The following KDM5B variants were observed in gnomAD, a reference collection of about 807,000 sequenced individuals.
KDM5B encodes the protein lysine-specific demethylase 5B.
KDM5B carries 144 observed loss-of-function variants against 193.4 expected under a neutral mutation model. That is an observed-to-expected ratio of 0.74 (90% CI 0.65 to 0.86). KDM5B has a LOEUF of 0.86. KDM5B is among the 40% of genes least tolerant of loss of function. The probability of loss-of-function intolerance (pLI) is 0.00; values close to 1 mark genes in which losing one functional copy is unlikely to be tolerated. For missense variants in KDM5B, 1,833 were observed against 1,886.9 expected (o/e 0.97, Z 0.53); for synonymous variants, 668 against 682.6 (o/e 0.98, Z 0.33).
At chr1:202,760,263 C>T (rs1656195235) in intron 8 of KDM5B, 152 bp downstream of exon 8, 2 of 550,368 alleles carry the variant, frequency 3.6e-6, no homozygotes, top group South Asian at 5.6e-5. Context: ...CTGCAGTGAG[C>T]CATGTTTGTG....
chr1:202,777,865 A>G (rs1657026580), intron 1 of KDM5B, among the ~76,000 whole-genome samples: 1 of 152,028 alleles, frequency 6.6e-6, no homozygotes, highest in African/African-American at 2.4e-5. Context: ...AAAAACTGAC[A>G]TCCAAATCCA....
intron 8 of KDM5B, 53 bp downstream of exon 8, chr1:202,760,362 G>T (rs1656198609): frequency 2.4e-6 from 3 of 1,257,436 alleles, no homozygotes; most frequent in Non-Finnish European, 2.2e-6. Flanking sequence ...CAAAGGCAAA[G>T]AAAAATGCCC....
chr1:202,728,964 TGA>T lies in KDM5B; in HGVS notation c.*70_*71del. ...TTGAGTACCAGTCCTGTAGCTTTGC[TGA>T]GATTTGAAGAAATCCTCTTGGTTGG... On this transcript the variant is annotated 3_prime_UTR_variant, in exon 27 of 27. Coordinates refer to ENST00000367265, the MANE Select transcript of KDM5B (RefSeq NM_006618.5). 1.9e-6 allele frequency: 3 copies of T among 1,587,038 alleles called. No homozygotes were observed. In the South Asian group the frequency reaches 3.3e-5, roughly 18 times the overall value.
Position 202,742,376 on chromosome 1 carries a change from T to TCCCTC in KDM5B, c.2589+10_2589+14dup, listed in dbSNP as rs747875737. 2.8e-5 allele frequency: 44 copies of TCCCTC among 1,550,550 alleles called. No homozygotes were observed. In the East Asian group the frequency reaches 3.4e-4, roughly 12 times the overall value. On this transcript the variant is annotated intron_variant, in intron 18 of 26. Transcript: ENST00000367265. ...GATTACCAAAGTATTCTCCCACACA[T>TCCCTC]CCCTCTATGGTTACCTTTAGTAATG...
chr1:202,789,429 G>A (rs540930387), intron 1 of KDM5B, among the ~76,000 whole-genome samples: 24 of 150,460 alleles, frequency 1.6e-4, no homozygotes, highest in African/African-American at 5.1e-4. Flanking sequence ...GCTGAGACAC[G>A]ATAATCACTT....
chr1:202,779,638 A>C (rs986527160), intron 1 of KDM5B, among the ~76,000 whole-genome samples: 9 of 151,718 alleles, frequency 5.9e-5, no homozygotes, highest in Non-Finnish European at 1.0e-4. Flanking sequence ...CGTCTCTACT[A>C]AAAATACACA....
chr1:202,729,783 T>C lies in KDM5B; in HGVS notation c.4421A>G (p.Tyr1474Cys), dbSNP rs1286915303. 6 of 1,614,090 alleles carry C rather than the reference T, an allele frequency of 3.7e-6. No individual in the cohort carries two copies. Among genetic ancestry groups the C allele is most frequent in the Non-Finnish European group, 4.2e-6 (5 of 1,179,956 alleles). Residue 1474 changes from tyrosine to cysteine, a missense_variant, in exon 26 of 27, where the codon TAT (tyrosine) becomes TGT (cysteine). Transcript: ENST00000367265. ...ETHSLPSDTS[Y>C]SEQEDSEDED... ...ATCCTCAGAGTCTTCCTGTTCGGAA[T>C]AGGATGTGTCTGAGGGCAGGGAATG...
At position 202,736,333 on chromosome 1, in the gene KDM5B, A is replaced by G; in HGVS notation, c.3144T>C (p.Ser1048=). Residue 1048 remains serine (S), a synonymous_variant, in exon 21 of 27, where the codon TCT becomes TCC. Coordinates refer to ENST00000367265, the MANE Select transcript of KDM5B (RefSeq NM_006618.5). ...GCAAAGAATTCAGATGTACGGGGAT[A>G]GATCGGCCTCGTGTAACAAGTTCTA... is the stretch of plus-strand genomic sequence containing the variant. ...TLIELVTRGR[S]IPVHLNSLPR... The G allele has an allele frequency of 6.2e-7, 1 of 1,612,196 alleles. No individual in the cohort carries two copies. The highest frequency in any genetic ancestry group is 8.5e-7 in the Non-Finnish European group (1 of 1,179,044).
chr1:202,777,628 G>A (rs1657013814), intron 1 of KDM5B, among the ~76,000 whole-genome samples: 1 of 151,974 alleles, frequency 6.6e-6, no homozygotes. Flanking sequence ...AAGTATCTGG[G>A]ACCACAGGTG....
intron 23 of KDM5B, 102 bp from the exon 24 acceptor site, chr1:202,732,041 G>GC: frequency 7.5e-5 from 41 of 548,152 alleles, no homozygotes; most frequent in Middle Eastern, 3.7e-4. Flanking sequence ...GGCAACCAGG[G>GC]GAAAAAAAAA....
At chr1:202,779,879 T>C (rs948715610) in intron 1 of KDM5B, among the ~76,000 whole-genome samples, 1 of 151,536 alleles carries the variant, frequency 6.6e-6, no homozygotes, top group Admixed American at 6.6e-5. Context: ...AATACATGAA[T>C]GAAATTAACT....
chr1:202,744,723 G>C (rs1348907312), intron 16 of KDM5B, among the ~76,000 whole-genome samples: 1 of 152,224 alleles, frequency 6.6e-6, no homozygotes, highest in Non-Finnish European at 1.5e-5. Flanking sequence ...TTCAACGATT[G>C]TGGAAGACAG....
chr1:202,756,101 G>A (rs966022816), intron 10 of KDM5B, among the ~76,000 whole-genome samples: 6 of 152,088 alleles, frequency 3.9e-5, no homozygotes, highest in African/African-American at 1.2e-4. Context: ...CCTGGTCTCA[G>A]GCCTTCAGGT....
At position 202,746,143 on chromosome 1, in the gene KDM5B, G is replaced by A. The variant is rs200210227; in HGVS notation, c.2197C>T (p.Arg733Trp). ...AAAAAAATCGTTCTTCCTACTTACC[G>A]CAATTTATATTTGTAAGGAGGACAG... The part of the protein sequence containing the change: ...CSCPPYKYKL[R>W]YRYTLDDLYP... The change falls in exon 15 of 27, where the codon CGG (arginine) becomes TGG (tryptophan). Residue 733 changes from arginine to tryptophan, a missense_variant and splice_region_variant. By Grantham distance (101) the Arg-to-Trp change is moderately radical. Coordinates refer to ENST00000367265, the MANE Select transcript of KDM5B (RefSeq NM_006618.5). 8.3e-5 allele frequency: 133 copies of A among 1,603,804 alleles called. 1 individual carries two copies. The highest frequency in any genetic ancestry group is 5.0e-4 in the Middle Eastern group (3 of 6,022).
chr1:202,742,213 C>T (rs1655372422), intron 18 of KDM5B, among the ~76,000 whole-genome samples, 178 bp downstream of exon 18: 1 of 152,162 alleles, frequency 6.6e-6, no homozygotes, highest in African/African-American at 2.4e-5. Flanking sequence ...TTTATTTCCC[C>T]TCTGTGGATC....
chr1:202,770,161 A>G (rs750491896), intron 4 of KDM5B, among the ~76,000 whole-genome samples: 29 of 152,168 alleles, frequency 1.9e-4, no homozygotes, highest in Non-Finnish European at 2.9e-4. Context: ...AATACACACG[A>G]TATGGTTTTA....
At chr1:202,807,034 CGTTACGGATGG>C (rs1658322868) in intron 1 of KDM5B, 2 of 152,384 alleles carry the variant, frequency 1.3e-5, no homozygotes, top group African/African-American at 4.8e-5. Context: ...ACGTTGGAGC[CGTTACGGATGG>C]TTTCAGCAAC....
At chr1:202,756,794 T>G (rs1161662149) in intron 9 of KDM5B, among the ~76,000 whole-genome samples, 3 of 152,198 alleles carry the variant, frequency 2.0e-5, no homozygotes, top group Non-Finnish European at 4.4e-5. Context: ...ATAAACTGTA[T>G]AGTAATAATG....
chr1:202,776,896 C>T (rs1238413129), intron 2 of KDM5B, 121 bp downstream of exon 2: 1 of 737,790 alleles, frequency 1.4e-6, no homozygotes, highest in Non-Finnish European at 2.4e-6. Flanking sequence ...CTTATTTGCT[C>T]AAATACAAAT....
Sources: allele counts gnomAD v4.1 joint callset (sites outside exome capture counted in the v4.1 genomes callset), GRCh38; gene constraint gnomAD v4.1.1; transcripts MANE v1.5; gene names NCBI Gene and HGNC (gene_info 2026-07-23, HGNC 2026-07-21).